The following NUP35 variants were observed in gnomAD, a reference collection of about 807,000 sequenced individuals.
NUP35 encodes nucleoporin 35.
NUP35 carries 25 observed loss-of-function variants against 41.5 expected under a neutral mutation model. The ratio of observed to expected loss-of-function variants is 0.60; its 90% CI spans 0.44 to 0.84. The LOEUF is 0.84. Ranked by LOEUF, NUP35 falls within the 40% of genes least tolerant of loss-of-function variation. The probability of loss-of-function intolerance (pLI) is 0.00; values close to 1 mark genes in which losing one functional copy is unlikely to be tolerated. For missense variants in NUP35, 396 were observed against 396.6 expected, an observed-to-expected ratio of 1.00 and a Z score of 0.01; for synonymous variants, 149 against 130.7, an observed-to-expected ratio of 1.14 and a Z score of -0.96.
At chr2:183,128,851 A>C (rs2105543619) in intron 2 of NUP35, among the ~76,000 whole-genome samples, 1 of 152,342 alleles carries the variant, frequency 6.6e-6, no homozygotes, top group Admixed American at 6.5e-5. Flanking sequence ...AGGTGTAAGA[A>C]GTATAAGCTA....
At chr2:183,120,860 G>A (rs769142086), upstream of NUP35, among the ~76,000 whole-genome samples, 7 of 152,156 alleles carry the variant, frequency 4.6e-5, no homozygotes, top group Non-Finnish European at 7.3e-5. Flanking sequence ...TTTGATGTAC[G>A]GGTAGGTTGT....
intron 8 of NUP35, 45 bp downstream of exon 8, chr2:183,159,697 G>A: frequency 6.9e-7 from 1 of 1,448,536 alleles, no homozygotes; most frequent in Non-Finnish European, 9.6e-7. Flanking sequence ...TAATGGCTGA[G>A]TGCATAGCAT....
chr2:183,155,657 C>G (rs1685636743), intron 5 of NUP35, among the ~76,000 whole-genome samples: 1 of 151,502 alleles, frequency 6.6e-6, no homozygotes, highest in Non-Finnish European at 1.5e-5. Context: ...CTGCAGCCTC[C>G]AATTCCTGGC....
upstream of NUP35, among the ~76,000 whole-genome samples, chr2:183,124,159 C>T (rs750169429): frequency 3.3e-5 from 5 of 152,222 alleles, no homozygotes; most frequent in Non-Finnish European, 7.3e-5. Flanking sequence ...GTAAAATAAT[C>T]TGTGCTTCTA....
intron 5 of NUP35, among the ~76,000 whole-genome samples, chr2:183,155,840 C>G (rs1685644782): frequency 6.6e-6 from 1 of 152,102 alleles, no homozygotes; most frequent in Non-Finnish European, 1.5e-5. Context: ...TTGAAGCACT[C>G]CTAGTATTTT....
chr2:183,129,795 C>G (rs760164821), intron 2 of NUP35, among the ~76,000 whole-genome samples: 6 of 152,248 alleles, frequency 3.9e-5, no homozygotes, highest in Non-Finnish European at 5.9e-5. Flanking sequence ...ACAGTCCAGG[C>G]TCAGACATTA....
At chr2:183,147,168 T>C (rs547715674) in intron 4 of NUP35, among the ~76,000 whole-genome samples, 1 of 152,342 alleles carries the variant, frequency 6.6e-6, no homozygotes, top group Non-Finnish European at 1.5e-5. Context: ...TTTATTCTTT[T>C]GATAGTTTCT....
intron 6 of NUP35, 37 bp from the exon 7 acceptor site, chr2:183,158,246 T>C: frequency 7.4e-7 from 1 of 1,344,254 alleles, no homozygotes; most frequent in East Asian, 2.7e-5. Context: ...AGATTTTATA[T>C]ATTTTCTATT....
At chr2:183,145,294 C>T (rs931368416) in intron 4 of NUP35, among the ~76,000 whole-genome samples, 4 of 152,156 alleles carry the variant, frequency 2.6e-5, no homozygotes, top group Non-Finnish European at 5.9e-5. Flanking sequence ...TATCCCTTAG[C>T]AGAACTGCTT....
rs147457120 is a variant in NUP35 at position 183,143,878 on chromosome 2, A to G, written c.398-7630A>G. Reference sequence around the variant, plus strand: ...GCTTGATTGGACATTGTACCATTCAATATGCTTTTTCGGTATAATGTGTGT... The same window carrying G: ...GCTTGATTGGACATTGTACCATTCAGTATGCTTTTTCGGTATAATGTGTGT... On this transcript the variant is annotated intron_variant, in intron 4 of 8. Coordinates refer to ENST00000295119, the MANE Select transcript of NUP35 (RefSeq NM_138285.5). 6.0e-4 allele frequency among the ~76,000 whole-genome samples: 91 copies of G among 152,310 alleles called. No individual in the cohort carries two copies. The East Asian group carries it at 0.015, about 25-fold the overall frequency.
At chr2:183,119,219 C>A (rs1465738627) in intron 1 of NUP35, among the ~76,000 whole-genome samples, 2 of 152,132 alleles carry the variant, frequency 1.3e-5, no homozygotes, top group African/African-American at 2.4e-5. Flanking sequence ...GCCTGACATT[C>A]CTGGTTGGGG....
chr2:183,130,387 CTTTTT>C (rs34173657), intron 2 of NUP35, 26 bp from the exon 3 acceptor site: 1,731 of 1,267,960 alleles, frequency 1.4e-3, no homozygotes, highest in Middle Eastern at 1.9e-3. Flanking sequence ...AGAAGAATCC[CTTTTT>C]TTTTTTTTTT....
At chr2:183,123,118 T>C (rs1700093196), upstream of NUP35, among the ~76,000 whole-genome samples, 1 of 152,156 alleles carries the variant, frequency 6.6e-6, no homozygotes, top group Non-Finnish European at 1.5e-5. Context: ...ATAAGTGGCT[T>C]CTAGAAGCTT....
intron 1 of NUP35, chr2:183,118,913 A>C (rs1700027686): frequency 6.6e-6 from 1 of 152,144 alleles, no homozygotes; most frequent in Non-Finnish European, 1.5e-5. Flanking sequence ...CCTCCCTTGG[A>C]GTGAGAGGCC....
intron 1 of NUP35, among the ~76,000 whole-genome samples, chr2:183,127,383 G>T (rs1684531603): frequency 6.6e-6 from 1 of 151,874 alleles, no homozygotes; most frequent in African/African-American, 2.4e-5. Flanking sequence ...CTCCCAAAGT[G>T]CTAGGATTGC....
chr2:183,123,976 T>A (rs765358129), upstream of NUP35: 2 of 299,974 alleles, frequency 6.7e-6, no homozygotes, highest in Non-Finnish European at 9.8e-6. Context: ...AGAAATGGCA[T>A]ACGGATAGTA....
At chr2:183,134,756 C>A (rs1040221471) in intron 4 of NUP35, among the ~76,000 whole-genome samples, 3 of 151,514 alleles carry the variant, frequency 2.0e-5, no homozygotes, top group African/African-American at 7.3e-5. Context: ...GCTGGGATTA[C>A]AGGTGCTCGC....
Position 183,128,419 on chromosome 2 carries a change from C to T in NUP35, c.173C>T (p.Ser58Leu), listed in dbSNP as rs747892224. 1.2e-6 allele frequency: 2 copies of T among 1,613,652 alleles called. No individual in the cohort carries two copies. Among genetic ancestry groups the T allele is most frequent in the Non-Finnish European group, 1.7e-6 (2 of 1,179,846 alleles). Residue 58 changes from serine to leucine, a missense_variant, in exon 2 of 9, where the codon TCA (serine) becomes TTA (leucine). Coordinates refer to ENST00000295119, the MANE Select transcript of NUP35 (RefSeq NM_138285.5). ...CAACCTCGATCAATTAGTGGCCCTT[C>T]AGTAGGAGTAATGGAAATGAGATCA... ...TPQPRSISGPSVGVMEMRSPL... is the reference protein window; with the variant it reads ...TPQPRSISGPLVGVMEMRSPL...
intron 4 of NUP35, among the ~76,000 whole-genome samples, chr2:183,141,592 AAT>A (rs1365000893): frequency 3.6e-4 from 55 of 152,160 alleles, no homozygotes; most frequent in African/African-American, 1.1e-3. Flanking sequence ...TGAACCAATT[AAT>A]ATGATTATTC....
Sources: gnomAD v4.1 joint callset for allele counts (sites outside exome capture counted in the v4.1 genomes callset) on GRCh38, gnomAD v4.1.1 for gene constraint, MANE v1.5 for transcripts, NCBI Gene and HGNC (gene_info 2026-07-23, HGNC 2026-07-21) for gene names.